The following ZNF717 variants were observed in gnomAD, a reference collection of about 807,000 sequenced individuals.
ZNF717 encodes the protein krueppel-like factor X17.
A neutral mutation model predicts 13.8 loss-of-function variants in ZNF717; 9 were observed. The ratio of observed to expected loss-of-function variants is 0.65; its 90% CI spans 0.39 to 1.14. The LOEUF (loss-of-function observed/expected upper bound fraction) is 1.14, where lower values mean the gene tolerates loss of function less well. Ranked by LOEUF, ZNF717 falls within the 50% of genes most tolerant of loss-of-function variation. ZNF717 has a pLI of 0.01. For synonymous variants in ZNF717, 327 were observed against 364.1 expected (o/e 0.90, Z 1.16); for missense variants, 1,040 against 1,080.7 (o/e 0.96, Z 0.53).
chr3:75,770,125 C>T (rs1351434954), intron 2 of ZNF717, among the ~76,000 whole-genome samples: 1 of 152,192 alleles, frequency 6.6e-6, no homozygotes. Flanking sequence ...GCACAGGTCA[C>T]AGGGGACTGA....
downstream of ZNF717, among the ~76,000 whole-genome samples, chr3:75,726,944 A>G (rs1191938231): frequency 7.0e-6 from 1 of 142,100 alleles, no homozygotes; most frequent in Non-Finnish European, 1.6e-5. Context: ...ATTTTAATCA[A>G]TAATGAACCA....
At chr3:75,697,098 C>A (rs1489273253) in intron 6 of ZNF717, among the ~76,000 whole-genome samples, 2 of 152,298 alleles carry the variant, frequency 1.3e-5, no homozygotes, top group Admixed American at 6.5e-5. Flanking sequence ...AAACTAAAAT[C>A]CTTTCCTCTA....
At chr3:75,729,067 C>T (rs1312935840), downstream of ZNF717, among the ~76,000 whole-genome samples, 1 of 151,236 alleles carries the variant, frequency 6.6e-6, no homozygotes, top group Non-Finnish European at 1.5e-5. Flanking sequence ...CAGACTGCTA[C>T]AGTCATCCAT....
downstream of ZNF717, among the ~76,000 whole-genome samples, chr3:75,734,423 G>T (rs77078638): frequency 2.8e-3 from 104 of 36,622 alleles, no homozygotes; most frequent in African/African-American, 7.9e-3. Flanking sequence ...GGTAAAATGG[G>T]TTTTTTTTGT....
chr3:75,744,404 T>TA (rs1430127968), intron 2 of ZNF717, among the ~76,000 whole-genome samples: 1 of 152,224 alleles, frequency 6.6e-6, no homozygotes, highest in East Asian at 1.9e-4. Flanking sequence ...CTGAAGAGAC[T>TA]AAAAAATCAA....
downstream of ZNF717, among the ~76,000 whole-genome samples, chr3:75,706,815 C>T (rs1937812105): frequency 6.6e-6 from 1 of 152,312 alleles, no homozygotes; most frequent in Non-Finnish European, 1.5e-5. Context: ...GAGCAGATGA[C>T]TCTGTCCTGA....
chr3:75,736,680 A>C lies in ZNF717; in HGVS notation c.*198T>G. ...TATATGAGCTTCTAGGAAAACAGCC[A>C]TATCTGTGACATTAAAGTGCAAAGT... On this transcript the variant is annotated 3_prime_UTR_variant, in exon 5 of 5. Coordinates refer to ENST00000652011, the MANE Select transcript of ZNF717 (RefSeq NM_001290208.3). The C allele has an allele frequency of 1.7e-6, 1 of 576,530 alleles. No homozygotes were observed. The highest frequency in any genetic ancestry group is 2.9e-6 in the Non-Finnish European group (1 of 339,184). 35.7% of individuals were successfully genotyped at this position (576,530 alleles called of 1,614,324 possible). A position where few individuals can be genotyped will look rare whatever the true frequency, so the allele number is the denominator to read the frequency against.
chr3:75,750,257 G>C (rs78794634), intron 2 of ZNF717, among the ~76,000 whole-genome samples: 1 of 129,982 alleles, frequency 7.7e-6, no homozygotes, highest in Admixed American at 7.6e-5. Flanking sequence ...TGGGTTCTGA[G>C]TTTCTGTCAC....
At chr3:75,739,495 T>C (rs1174085714) in intron 4 of ZNF717, 150 bp from the exon 5 acceptor site, 2 of 464,642 alleles carry the variant, frequency 4.3e-6, no homozygotes, top group African/African-American at 4.0e-5. Flanking sequence ...ATATGGTTTC[T>C]GTTCCTACTG....
At chr3:75,770,192 G>A (rs1943780615) in intron 2 of ZNF717, among the ~76,000 whole-genome samples, 1 of 152,200 alleles carries the variant, frequency 6.6e-6, no homozygotes, top group Non-Finnish European at 1.5e-5. Flanking sequence ...CACTGTAAAT[G>A]TAACAAAGCT....
At chr3:75,696,935 T>A (rs1937610446) in intron 6 of ZNF717, among the ~76,000 whole-genome samples, 2 of 152,054 alleles carry the variant, frequency 1.3e-5, no homozygotes, top group Non-Finnish European at 2.9e-5. Context: ...AAAATCCATA[T>A]AATCATTTCA....
chr3:75,752,952 C>T (rs1575848506), intron 2 of ZNF717, among the ~76,000 whole-genome samples: 1 of 151,426 alleles, frequency 6.6e-6, no homozygotes, highest in African/African-American at 2.4e-5. Flanking sequence ...GATTCCAGAA[C>T]ACTGCTGCCA....
rs1194093593 is a variant in ZNF717, at chr3:75,761,163, A to G, written c.58-19427T>C. 2.0e-5 allele frequency among the ~76,000 whole-genome samples: 3 copies of G among 152,362 alleles called. No homozygotes were observed. The East Asian group carries it at 5.8e-4, about 29-fold the overall frequency. On this transcript the variant is annotated intron_variant, in intron 2 of 4. Coordinates refer to ENST00000652011, the MANE Select transcript of ZNF717 (RefSeq NM_001290208.3). ...AGTAATCAAAAACCCCCCAAAAAAG[A>G]AAATTCCAGGTCCAGATAACTTCAC... is the stretch of plus-strand genomic sequence containing the variant.
chr3:75,760,852 C>G (rs1191930662), intron 2 of ZNF717, among the ~76,000 whole-genome samples: 1 of 150,292 alleles, frequency 6.7e-6, no homozygotes, highest in South Asian at 2.1e-4. Context: ...GAAAAAAAAA[C>G]ACTGAGTTTG....
rs1372278662 is a variant in ZNF717, at chr3:75,748,210, C to A, written c.58-6474G>T. ...ATTGAGGCAATAATAGCTTACCAAC[C>A]AAAAAGAGTCCAGAACCAGACGGAA... On this transcript the variant is annotated intron_variant, in intron 2 of 4. Transcript: ENST00000652011. Among the ~76,000 whole-genome samples the A allele has an allele frequency of 6.3e-4, 96 of 152,178 alleles. 1 individual carries two copies. Among genetic ancestry groups the A allele is most frequent in the African/African-American group, 1.8e-3 (75 of 41,516 alleles).
downstream of ZNF717, among the ~76,000 whole-genome samples, chr3:75,731,290 T>C (rs1220180150): frequency 6.6e-6 from 1 of 152,148 alleles, no homozygotes; most frequent in African/African-American, 2.4e-5. Flanking sequence ...AGCAGAAGAA[T>C]TGCTTGAACC....
chr3:75,708,337 G>A (rs189676151), downstream of ZNF717, among the ~76,000 whole-genome samples: 880 of 136,826 alleles, frequency 6.4e-3, no homozygotes, highest in Admixed American at 0.012. Flanking sequence ...AGCCACTGCT[G>A]CTGATACCCA....
intron 2 of ZNF717, among the ~76,000 whole-genome samples, chr3:75,750,017 ATATT>A (rs1941581120): frequency 3.3e-5 from 5 of 150,740 alleles, no homozygotes; most frequent in Admixed American, 2.6e-4. Context: ...TGGGGTCTGA[ATATT>A]TATCTCTCAC....
chr3:75,744,441 GGGA>G (rs1298745487), intron 2 of ZNF717, among the ~76,000 whole-genome samples: 17 of 152,318 alleles, frequency 1.1e-4, no homozygotes, highest in African/African-American at 3.9e-4. Flanking sequence ...TGAAACTCAG[GGGA>G]GGACACAGGG....
Sources: gnomAD v4.1 joint callset for allele counts (sites outside exome capture counted in the v4.1 genomes callset) on GRCh38, gnomAD v4.1.1 for gene constraint, MANE v1.5 for transcripts, NCBI Gene and HGNC (gene_info 2026-07-23, HGNC 2026-07-21) for gene names.